FBXO25: variants seen among roughly 807,000 people sequenced by gnomAD.
FBXO25 encodes the protein F-box protein 25, also known as F-box only protein 25.
FBXO25 carries 45 observed loss-of-function variants against 51.9 expected under a neutral mutation model. The observed-to-expected ratio is 0.87, with a 90% CI of 0.68 to 1.11. The LOEUF (loss-of-function observed/expected upper bound fraction) is 1.11. Among genes scored for constraint, FBXO25 ranks in the 50% most tolerant of loss-of-function variants. FBXO25 has a pLI of 0.00. For synonymous variants in FBXO25, 199 were observed against 151.0 expected, an observed-to-expected ratio of 1.32 and a Z score of -2.33; for missense variants, 507 against 428.5, an observed-to-expected ratio of 1.18 and a Z score of -1.62.
intron 2 of FBXO25, among the ~76,000 whole-genome samples, chr8:417,438 A>G (rs866080321): frequency 6.6e-6 from 1 of 152,188 alleles, no homozygotes; most frequent in Non-Finnish European, 1.5e-5. Flanking sequence ...CAAATCCTGG[A>G]TGTATTCTGC....
intron 2 of FBXO25, among the ~76,000 whole-genome samples, chr8:413,989 C>T (rs1796646119): frequency 6.6e-6 from 1 of 152,152 alleles, no homozygotes; most frequent in Non-Finnish European, 1.5e-5. Flanking sequence ...GAGATAGCCT[C>T]CTCTAGAATG....
At chr8:456,020 A>G (rs1799404616) in intron 7 of FBXO25, among the ~76,000 whole-genome samples, 1 of 152,128 alleles carries the variant, frequency 6.6e-6, no homozygotes, top group East Asian at 1.9e-4. Flanking sequence ...TCTTCGTACT[A>G]CCTTCATACC....
chr8:434,983 G>A (rs555533873), intron 4 of FBXO25, among the ~76,000 whole-genome samples: 1 of 152,248 alleles, frequency 6.6e-6, no homozygotes, highest in Admixed American at 6.5e-5. Flanking sequence ...GCTGCCCGTG[G>A]TCACATCCAG....
rs1036735679 is a variant in FBXO25, at chr8:477,096, G to A, written c.*8292G>A. On this transcript the variant is annotated 3_prime_UTR_variant, in exon 10 of 10. Coordinates refer to ENST00000350302, the MANE Select transcript of FBXO25 (RefSeq NM_183420.2). ...TTTTCACATAATTGTGTACTTTTCAGTTTTTTGTCTGTTACTGATTTCTAG... is the reference window on the plus strand; with the variant it reads ...TTTTCACATAATTGTGTACTTTTCAATTTTTTGTCTGTTACTGATTTCTAG... 3 of 152,102 alleles carry A rather than the reference G, an allele frequency of 2.0e-5. No homozygotes were observed. Among genetic ancestry groups the A allele is most frequent in the Non-Finnish European group, 4.4e-5 (3 of 68,024 alleles). The allele number at this position is 152,102 out of a possible 1,614,324, so 9.4% of individuals were successfully genotyped here.
Position 468,898 on chromosome 8 carries a change from G to C in FBXO25, c.*94G>C. The C allele has an allele frequency of 8.6e-7, 1 of 1,158,156 alleles. No homozygotes were observed. Among genetic ancestry groups the C allele is most frequent in the Non-Finnish European group, 1.2e-6 (1 of 828,518 alleles). The allele number at this position is 1,158,156 out of a possible 1,614,324, so 71.7% of individuals were successfully genotyped here. A position where few individuals can be genotyped will look rare whatever the true frequency, so the allele number is the denominator to read the frequency against. On this transcript the variant is annotated 3_prime_UTR_variant, in exon 10 of 10. Transcript: ENST00000350302. ...TCTGTGAGGTGGGTGGAGACTCCTC[G>C]GAAGCCCCTGCTTCCAGAAAGCCTG... is the stretch of plus-strand genomic sequence containing the variant.
At chr8:429,746 C>T (rs1412957550) in intron 2 of FBXO25, among the ~76,000 whole-genome samples, 1 of 152,214 alleles carries the variant, frequency 6.6e-6, no homozygotes, top group Admixed American at 6.5e-5. Flanking sequence ...TCAAGTCTGA[C>T]ATAGACTCCC....
intron 1 of FBXO25, among the ~76,000 whole-genome samples, chr8:412,355 T>G (rs138304081): frequency 0.016 from 2,409 of 152,294 alleles, 51 homozygotes; most frequent in African/African-American, 0.056. Flanking sequence ...TGACTCTGTT[T>G]CCTAAATATT....
chr8:429,301 A>G (rs1003270228), intron 2 of FBXO25, among the ~76,000 whole-genome samples: 7 of 152,144 alleles, frequency 4.6e-5, no homozygotes, highest in Non-Finnish European at 8.8e-5. Flanking sequence ...AATTGGTGAT[A>G]TGGAGCATCT....
At chr8:427,389 G>C (rs1303364694) in intron 2 of FBXO25, among the ~76,000 whole-genome samples, 4 of 150,716 alleles carry the variant, frequency 2.7e-5, no homozygotes, top group African/African-American at 9.9e-5. Flanking sequence ...ATATGACCTT[G>C]GCACTTAGAG....
At chr8:409,659 A>G (rs1376635406) in intron 1 of FBXO25, among the ~76,000 whole-genome samples, 2 of 152,088 alleles carry the variant, frequency 1.3e-5, no homozygotes, top group African/African-American at 2.4e-5. Flanking sequence ...GTTTTAAAAT[A>G]TTTTTTCAGC....
intron 5 of FBXO25, among the ~76,000 whole-genome samples, chr8:442,369 A>T (rs964866585): frequency 6.6e-6 from 1 of 151,854 alleles, no homozygotes; most frequent in African/African-American, 2.4e-5. Flanking sequence ...AGATAATTAC[A>T]TTTTTGCTGA....
At chr8:465,200 C>T (rs1438427603) in intron 9 of FBXO25, among the ~76,000 whole-genome samples, 19 of 152,084 alleles carry the variant, frequency 1.2e-4, no homozygotes, top group Admixed American at 3.3e-4. Flanking sequence ...CAGGGCCCCC[C>T]TTCTGTGTAA....
chr8:467,966 C>T, intron 9 of FBXO25: 1 of 1,392,950 alleles, frequency 7.2e-7, no homozygotes, highest in East Asian at 2.7e-5. Context: ...CACCTGAGTG[C>T]TGAGGGAGGC....
At chr8:415,085 C>A (rs1447966770) in intron 2 of FBXO25, among the ~76,000 whole-genome samples, 1 of 152,182 alleles carries the variant, frequency 6.6e-6, no homozygotes, top group Non-Finnish European at 1.5e-5. Flanking sequence ...CATTTAAAAT[C>A]ACTATATAAA....
chr8:426,502 G>T (rs1797488896), intron 2 of FBXO25, among the ~76,000 whole-genome samples: 1 of 152,076 alleles, frequency 6.6e-6, no homozygotes, highest in African/African-American at 2.4e-5. Context: ...TCCTAGTCAT[G>T]AGGTGGCTGA....
chr8:451,561 A>C, intron 7 of FBXO25, 108 bp downstream of exon 7: 1 of 1,061,624 alleles, frequency 9.4e-7, no homozygotes, highest in Non-Finnish European at 1.4e-6. Flanking sequence ...AAGATTTTCT[A>C]ATGCTTTCAT....
rs373091284 is a variant in FBXO25, at chr8:434,899, C to T, written c.289-716C>T. Among the ~76,000 whole-genome samples, 16 of 152,292 alleles carry T rather than the reference C, an allele frequency of 1.1e-4. No homozygotes were observed. The South Asian group carries it at 2.9e-3, about 28-fold the overall frequency. On this transcript the variant is annotated intron_variant, in intron 4 of 9. Coordinates refer to ENST00000350302, the MANE Select transcript of FBXO25 (RefSeq NM_183420.2). ...ATTGTTTCATTTTCTTCCTTCAGTT[C>T]TTGGACCTGTGGGTCTAAACACCAG...
intron 2 of FBXO25, among the ~76,000 whole-genome samples, chr8:422,735 C>G (rs1286390703): frequency 6.6e-6 from 1 of 152,186 alleles, no homozygotes; most frequent in Non-Finnish European, 1.5e-5. Context: ...TCTGACTGTG[C>G]TGTCAGTCGT....
chr8:408,403 CA>C (rs1315838373), intron 1 of FBXO25, among the ~76,000 whole-genome samples: 1 of 152,002 alleles, frequency 6.6e-6, no homozygotes, highest in Non-Finnish European at 1.5e-5. Context: ...CTATTATAAA[CA>C]TAGTGGTTAG....
Sources: allele counts gnomAD v4.1 joint callset (sites outside exome capture counted in the v4.1 genomes callset), GRCh38; gene constraint gnomAD v4.1.1; transcripts MANE v1.5; gene names NCBI Gene and HGNC (gene_info 2026-07-23, HGNC 2026-07-21).